RPS6KA2: variants seen among roughly 807,000 people sequenced by gnomAD.
The protein encoded by RPS6KA2 is ribosomal protein S6 kinase A2.
A neutral mutation model predicts 91.8 loss-of-function variants in RPS6KA2; 42 were observed. The ratio of observed to expected loss-of-function variants is 0.46; its 90% CI spans 0.36 to 0.59. The LOEUF (loss-of-function observed/expected upper bound fraction) is 0.59, where lower values mean the gene tolerates loss of function less well. Among genes scored for constraint, RPS6KA2 ranks in the 20% least tolerant of loss-of-function variants. The probability of loss-of-function intolerance (pLI) is 0.00; values close to 1 mark genes in which losing one functional copy is unlikely to be tolerated. For synonymous variants in RPS6KA2, 414 were observed against 393.6 expected, an observed-to-expected ratio of 1.05 and a Z score of -0.61; for missense variants, 798 against 978.5, an observed-to-expected ratio of 0.82 and a Z score of 2.46.
intron 2 of RPS6KA2, among the ~76,000 whole-genome samples, chr6:166,817,215 C>A (rs1779788206): frequency 6.6e-6 from 1 of 152,186 alleles, no homozygotes; most frequent in South Asian, 2.1e-4. Flanking sequence ...CCCCTTAGCA[C>A]CATGATTAAA....
At chr6:166,569,306 A>G (rs1784607570) in intron 1 of RPS6KA2, among the ~76,000 whole-genome samples, 1 of 152,160 alleles carries the variant, frequency 6.6e-6, no homozygotes, top group African/African-American at 2.4e-5. Context: ...ACCTCTCCAC[A>G]GGGAGGCACC....
intron 1 of RPS6KA2, among the ~76,000 whole-genome samples, chr6:166,589,188 C>T (rs1396837757): frequency 6.6e-6 from 1 of 152,218 alleles, no homozygotes; most frequent in African/African-American, 2.4e-5. Flanking sequence ...TCTCCTCCTA[C>T]CACCAGCAAA....
chr6:166,814,581 C>T (rs1779715791), intron 2 of RPS6KA2, among the ~76,000 whole-genome samples: 1 of 152,082 alleles, frequency 6.6e-6, no homozygotes, highest in Non-Finnish European at 1.5e-5. Context: ...GGCTCCGCCA[C>T]CTGTCAGGTC....
intron 2 of RPS6KA2, among the ~76,000 whole-genome samples, chr6:166,708,320 A>G (rs1007274225): frequency 2.0e-5 from 3 of 152,320 alleles, no homozygotes; most frequent in Non-Finnish European, 1.5e-5. Context: ...CTTCACAAGT[A>G]TTTACAATAA....
rs1268540836 is a variant in RPS6KA2, at chr6:166,419,822, C to G, written c.1820+60G>C. 6.7e-7 allele frequency: 1 copy of G among 1,485,418 alleles called. No homozygotes were observed. Among genetic ancestry groups the G allele is most frequent in the Non-Finnish European group, 9.4e-7 (1 of 1,064,136 alleles). 92.0% of individuals were successfully genotyped at this position (1,485,418 alleles called of 1,614,324 possible). A position where few individuals can be genotyped will look rare whatever the true frequency, so the allele number is the denominator to read the frequency against. The stretch of plus-strand genomic sequence containing the variant: ...GGCTGGCCCTGGTCCCCTGACAGAT[C>G]AGCCACTGAGGCTGCTGCCCTGTGT... On this transcript the variant is annotated intron_variant, in intron 18 of 20. Transcript: ENST00000265678. This position sits in a 1 kb window ranked among gnomAD's most constrained non-coding sequence, Gnocchi z 5.6.
At chr6:166,444,294 T>C (rs530014926) in intron 14 of RPS6KA2, among the ~76,000 whole-genome samples, 1 of 152,328 alleles carries the variant, frequency 6.6e-6, no homozygotes, top group Admixed American at 6.5e-5. Flanking sequence ...TTATTTTAAA[T>C]GAAGGGTGCC....
chr6:166,792,166 G>T (rs1021920511), intron 2 of RPS6KA2, among the ~76,000 whole-genome samples: 6 of 152,078 alleles, frequency 3.9e-5, no homozygotes, highest in Non-Finnish European at 8.8e-5. Context: ...AAGTGATAAA[G>T]GCGATATCAT....
rs1030003580 is a variant in RPS6KA2 at position 166,626,550 on chromosome 6, G to A, written c.99+371C>T. 1.4e-4 allele frequency among the ~76,000 whole-genome samples: 22 copies of A among 152,322 alleles called. No homozygotes were observed. Among genetic ancestry groups the A allele is most frequent in the African/African-American group, 4.6e-4 (19 of 41,574 alleles). ...GGGGGGCTTCTCCACTCGGGACTTT[G>A]AGGGACCCCCGCGGAGCGCTCCGCG... On this transcript the variant is annotated intron_variant, in intron 1 of 20. Transcript: ENST00000265678. The surrounding 1 kb of genome is among the most constrained non-coding windows in gnomAD (Gnocchi z 4.1).
At chr6:166,615,524 C>T (rs941788186) in intron 1 of RPS6KA2, among the ~76,000 whole-genome samples, 3 of 152,064 alleles carry the variant, frequency 2.0e-5, no homozygotes, top group African/African-American at 4.8e-5. Context: ...CCAGTCACAT[C>T]GGAAGGACCT....
chr6:166,470,088 C>T (rs1014319179), intron 10 of RPS6KA2, among the ~76,000 whole-genome samples, 183 bp from the exon 11 acceptor site: 12 of 152,314 alleles, frequency 7.9e-5, no homozygotes, highest in South Asian at 2.1e-4. Context: ...CAGAAAGCCA[C>T]GACTCAGCCC....
intron 2 of RPS6KA2, among the ~76,000 whole-genome samples, chr6:166,658,509 A>G (rs924456436): frequency 6.6e-6 from 1 of 152,202 alleles, no homozygotes; most frequent in Non-Finnish European, 1.5e-5. Flanking sequence ...GGGGTGGGAC[A>G]GCATCGGGGG....
Position 166,430,528 on chromosome 6 carries a change from T to C in RPS6KA2, c.1506A>G (p.Arg502=). Reference sequence around the variant, plus strand: ...CACTGGCTTCGCGCTCCGAGAAGTATCTCTGCCGGAGGATGCGGTCCAGGA... The same window carrying C: ...CACTGGCTTCGCGCTCCGAGAAGTACCTCTGCCGGAGGATGCGGTCCAGGA... ...GELLDRILRQ[R]YFSEREASDV... is the part of the protein sequence containing the mutation. Residue 502 remains arginine (R), a synonymous_variant, in exon 16 of 21, where the codon AGA becomes AGG. Coordinates refer to ENST00000265678, the MANE Select transcript of RPS6KA2 (RefSeq NM_021135.6). The C allele has an allele frequency of 6.2e-7, 1 of 1,614,084 alleles. No homozygotes were observed. The highest frequency in any genetic ancestry group is 8.5e-7 in the Non-Finnish European group (1 of 1,180,010).
intron 17 of RPS6KA2, among the ~76,000 whole-genome samples, chr6:166,420,616 G>A (rs776715096): frequency 2.6e-5 from 4 of 152,100 alleles, no homozygotes; most frequent in African/African-American, 7.2e-5. Context: ...TGCATGCCAC[G>A]TTTTGCTTAC....
chr6:166,636,643 C>A (rs1254289999), intron 2 of RPS6KA2, among the ~76,000 whole-genome samples: 2 of 152,168 alleles, frequency 1.3e-5, no homozygotes, highest in African/African-American at 4.8e-5. Context: ...AGGACAGGAA[C>A]TTTAACATCC....
chr6:166,745,215 C>T (rs1460819235), intron 2 of RPS6KA2, among the ~76,000 whole-genome samples: 1 of 150,176 alleles, frequency 6.7e-6, no homozygotes, highest in Admixed American at 6.6e-5. Context: ...GCAGTGGCGC[C>T]ATCTCGGCTC....
chr6:166,853,032 A>G (rs1377132833), intron 2 of RPS6KA2, among the ~76,000 whole-genome samples: 1 of 152,246 alleles, frequency 6.6e-6, no homozygotes, highest in Non-Finnish European at 1.5e-5. Flanking sequence ...ATGAAGTGGA[A>G]TCACGCTGAC....
At chr6:166,517,166 G>T (rs1049809965) in intron 3 of RPS6KA2, among the ~76,000 whole-genome samples, 1 of 151,726 alleles carries the variant, frequency 6.6e-6, no homozygotes, top group Non-Finnish European at 1.5e-5. Flanking sequence ...ATCTATTAAA[G>T]AATTACTTAA....
chr6:166,793,693 A>G lies in RPS6KA2; in HGVS notation c.123+64507T>C, dbSNP rs575095542. 2.0e-5 allele frequency among the ~76,000 whole-genome samples: 3 copies of G among 152,364 alleles called. No homozygotes were observed. The South Asian group carries it at 6.2e-4, about 32-fold the overall frequency. ...GGAACAGAACAGAGCCCTCAGAAAT[A>G]GTGCCACATATCTACAACCATCTGA... is the stretch of plus-strand genomic sequence containing the variant. On this transcript the variant is annotated intron_variant, in intron 2 of 21. Transcript: ENST00000503859.
At chr6:166,745,444 A>ATG (rs1790973964) in intron 2 of RPS6KA2, among the ~76,000 whole-genome samples, 1 of 151,876 alleles carries the variant, frequency 6.6e-6, no homozygotes, top group Non-Finnish European at 1.5e-5. Context: ...GAGCCACTGC[A>ATG]CCCGGCCCTA....
Sources: allele counts gnomAD v4.1 joint callset (sites outside exome capture counted in the v4.1 genomes callset), GRCh38; gene constraint gnomAD v4.1.1; non-coding constraint Gnocchi (gnomAD v3.1); transcripts MANE v1.5; gene names NCBI Gene and HGNC (gene_info 2026-07-23, HGNC 2026-07-21).